The following OTUD7B variants were observed in gnomAD, a reference collection of about 807,000 sequenced individuals.
The protein encoded by OTUD7B is OTU deubiquitinase 7B.
In OTUD7B, 34 loss-of-function variants were observed where a neutral mutation model predicts 82.2. That is an observed-to-expected ratio of 0.41 (90% CI 0.31 to 0.55). OTUD7B has a LOEUF of 0.55. Ranked by LOEUF, OTUD7B falls within the 20% of genes least tolerant of loss-of-function variation. The pLI is 0.20. For synonymous variants in OTUD7B, 398 were observed against 402.7 expected, an observed-to-expected ratio of 0.99 and a Z score of 0.14; for missense variants, 944 against 1,062.1, an observed-to-expected ratio of 0.89 and a Z score of 1.55.
upstream of OTUD7B, among the ~76,000 whole-genome samples, chr1:150,012,649 T>C (rs1553787722): frequency 1.3e-5 from 2 of 152,170 alleles, no homozygotes; most frequent in African/African-American, 4.8e-5. Context: ...GCAGTGACCA[T>C]AGAAGGTCTC....
intron 1 of OTUD7B, among the ~76,000 whole-genome samples, chr1:150,007,117 C>A (rs1553786310): frequency 2.0e-5 from 3 of 152,192 alleles, no homozygotes; most frequent in Non-Finnish European, 4.4e-5. Context: ...CCCCCACTCA[C>A]AACTTAGTCA....
chr1:150,036,848 T>C, the OTUD7B span, among the ~76,000 whole-genome samples: 4,285 of 152,180 alleles, frequency 0.028, 104 homozygotes, highest in Non-Finnish European at 0.041. Context: ...CAACAACACA[T>C]ACACACACAC....
In OTUD7B at chr1:149,991,703, C is replaced by G. The variant is rs587654314; in HGVS notation, c.-66-14127G>C. ...AGCTAACTATAGTAAAACTGAGTAC[C>G]GAATATAAATCTGCTTACTCCCATT... is the stretch of plus-strand genomic sequence containing the variant. On this transcript the variant is annotated intron_variant, in intron 1 of 11. Coordinates refer to ENST00000581312, the MANE Select transcript of OTUD7B (RefSeq NM_020205.4). 1.4e-4 allele frequency among the ~76,000 whole-genome samples: 21 copies of G among 152,142 alleles called. No homozygotes were observed. The East Asian group carries it at 3.7e-3, about 27-fold the overall frequency.
chr1:149,984,950 C>G (rs983863157), intron 1 of OTUD7B, among the ~76,000 whole-genome samples: 1 of 152,146 alleles, frequency 6.6e-6, no homozygotes, highest in Non-Finnish European at 1.5e-5. Flanking sequence ...TAACCTGCAC[C>G]CCAGGAAATA....
upstream of OTUD7B, among the ~76,000 whole-genome samples, chr1:150,013,517 T>C (rs1653163216): frequency 6.6e-6 from 1 of 152,084 alleles, no homozygotes. Context: ...ATTTAGACCA[T>C]TGGTTCTGGG....
At chr1:150,063,449 A>G in the OTUD7B span, among the ~76,000 whole-genome samples, 1 of 152,196 alleles carries the variant, frequency 6.6e-6, no homozygotes, top group East Asian at 1.9e-4. Context: ...GACCGTCTCA[A>G]AGAAAAAAAA....
chr1:150,051,714 C>G, the OTUD7B span, among the ~76,000 whole-genome samples: 1 of 152,058 alleles, frequency 6.6e-6, no homozygotes, highest in Admixed American at 6.5e-5. Context: ...GGTCTCAGCA[C>G]ATAGTAAAAG....
At chr1:149,981,616 A>G (rs902495270) in intron 1 of OTUD7B, among the ~76,000 whole-genome samples, 5 of 151,770 alleles carry the variant, frequency 3.3e-5, no homozygotes, top group Non-Finnish European at 5.9e-5. Context: ...TGAGCCAAAC[A>G]GTGGCCTTAT....
chr1:150,009,386 C>CA (rs1652876887), intron 1 of OTUD7B, among the ~76,000 whole-genome samples: 1 of 152,178 alleles, frequency 6.6e-6, no homozygotes, highest in Non-Finnish European at 1.5e-5. Context: ...TTCTGAAAGA[C>CA]AAAGGGATCC....
intron 1 of OTUD7B, among the ~76,000 whole-genome samples, chr1:149,996,251 G>A (rs587697265): frequency 6.6e-6 from 1 of 152,282 alleles, no homozygotes; most frequent in East Asian, 1.9e-4. Flanking sequence ...TTATACCCAG[G>A]TACAAGTGAG....
At chr1:150,054,354 T>C in the OTUD7B span, 74 of 529,604 alleles carry the variant, frequency 1.4e-4, no homozygotes, top group South Asian at 3.6e-4. Context: ...GTGATTTTCC[T>C]GAAGCAGCTG....
chr1:149,968,261 T>TTA (rs1269940272), intron 3 of OTUD7B, among the ~76,000 whole-genome samples: 1 of 10,666 alleles, frequency 9.4e-5, no homozygotes, highest in South Asian at 2.4e-3. Flanking sequence ...AGACCCCGTT[T>TTA]CAAAAAAAAA....
intron 1 of OTUD7B, among the ~76,000 whole-genome samples, chr1:149,985,863 G>A (rs1453952237): frequency 2.0e-5 from 3 of 152,034 alleles, no homozygotes; most frequent in Non-Finnish European, 4.4e-5. Flanking sequence ...TTCCCGAAGT[G>A]TACTATGTGC....
intron 10 of OTUD7B, among the ~76,000 whole-genome samples, chr1:149,948,274 G>A (rs2101734399): frequency 6.6e-6 from 1 of 152,188 alleles, no homozygotes; most frequent in East Asian, 1.9e-4. Context: ...AACATGCTGG[G>A]ATTACAGGCA....
the OTUD7B span, among the ~76,000 whole-genome samples, chr1:150,036,567 T>A: frequency 6.6e-6 from 1 of 152,170 alleles, no homozygotes; most frequent in Non-Finnish European, 1.5e-5. Flanking sequence ...CCATTGTAAC[T>A]TTTTTGAAGT....
chr1:150,038,323 C>T, the OTUD7B span, among the ~76,000 whole-genome samples: 1 of 151,840 alleles, frequency 6.6e-6, no homozygotes, highest in African/African-American at 2.4e-5. Flanking sequence ...TTTATTCTTT[C>T]TTTCCTCTAT....
chr1:150,061,609 G>T, the OTUD7B span, among the ~76,000 whole-genome samples: 1 of 152,048 alleles, frequency 6.6e-6, no homozygotes. Context: ...AAGCATATAG[G>T]TAAAAAAAAG....
At chr1:149,972,864 C>T (rs1200269562) in intron 2 of OTUD7B, among the ~76,000 whole-genome samples, 1 of 152,208 alleles carries the variant, frequency 6.6e-6, no homozygotes, top group Non-Finnish European at 1.5e-5. Flanking sequence ...TCCTAACAAT[C>T]CACATGGCCA....
chr1:149,964,603 G>T (rs113436207), intron 5 of OTUD7B, among the ~76,000 whole-genome samples: 2,898 of 151,632 alleles, frequency 0.019, 79 homozygotes, highest in African/African-American at 0.064. Flanking sequence ...TTTTTTGGTT[G>T]GTTTTTTTGA....
Sources: gnomAD v4.1 joint callset for allele counts (sites outside exome capture counted in the v4.1 genomes callset) on GRCh38, gnomAD v4.1.1 for gene constraint, MANE v1.5 for transcripts, NCBI Gene and HGNC (gene_info 2026-07-23, HGNC 2026-07-21) for gene names.